The following YES1 variants were observed in gnomAD, a reference collection of about 807,000 sequenced individuals.
YES1 encodes the protein YES proto-oncogene 1, Src family tyrosine kinase.
Under a neutral mutation model 70.4 loss-of-function variants are expected in YES1, and 39 were observed. That is an observed-to-expected ratio of 0.55 (90% CI 0.43 to 0.72). The LOEUF is 0.72. Ranked by LOEUF, YES1 falls within the 30% of genes least tolerant of loss-of-function variation. YES1 has a pLI of 0.00. For synonymous variants in YES1, 198 were observed against 218.6 expected, an observed-to-expected ratio of 0.91 and a Z score of 0.83; for missense variants, 495 against 644.8, an observed-to-expected ratio of 0.77 and a Z score of 2.52.
chr18:727,616 T>C (rs1448539491), intron 11 of YES1, among the ~76,000 whole-genome samples: 1 of 152,188 alleles, frequency 6.6e-6, no homozygotes, highest in South Asian at 2.1e-4. Flanking sequence ...TTAGTAGTTA[T>C]CATTGAGACT....
At chr18:790,629 A>C (rs1420935517) in intron 1 of YES1, among the ~76,000 whole-genome samples, 1 of 152,220 alleles carries the variant, frequency 6.6e-6, no homozygotes, top group East Asian at 1.9e-4. Flanking sequence ...TTTGAAAAGA[A>C]AGTGATAACT....
In YES1 at chr18:770,855, T is replaced by G. The variant is rs527746584; in HGVS notation, c.-8-14020A>C. ...AACTCCATCATGGTCACTTGAAAAT[T>G]CTGAAAAGTTGCCAGAGTGGTGGCT... On this transcript the variant is annotated intron_variant, in intron 1 of 11. Coordinates refer to ENST00000314574, the MANE Select transcript of YES1 (RefSeq NM_005433.4). Among the ~76,000 whole-genome samples, 24 of 152,198 alleles carry G rather than the reference T, an allele frequency of 1.6e-4. No individual in the cohort carries two copies. The South Asian group carries it at 5.0e-3, about 32-fold the overall frequency.
At chr18:797,646 T>C (rs1308694710) in intron 1 of YES1, among the ~76,000 whole-genome samples, 1 of 152,236 alleles carries the variant, frequency 6.6e-6, no homozygotes, top group Non-Finnish European at 1.5e-5. Flanking sequence ...TAAAAATTAC[T>C]TCTTTATAAT....
intron 1 of YES1, among the ~76,000 whole-genome samples, chr18:803,222 G>T (rs890454670): frequency 2.0e-5 from 3 of 152,192 alleles, no homozygotes; most frequent in African/African-American, 7.2e-5. Context: ...GTGTCAGAGT[G>T]AGACTCCGTC....
intron 1 of YES1, among the ~76,000 whole-genome samples, chr18:775,594 T>C (rs1010655628): frequency 6.6e-6 from 1 of 152,146 alleles, no homozygotes; most frequent in African/African-American, 2.4e-5. Context: ...CCCAGGAGTT[T>C]GAGACCACCC....
At chr18:796,316 T>G (rs73372137) in intron 1 of YES1, among the ~76,000 whole-genome samples, 6,132 of 152,268 alleles carry the variant, frequency 0.04, 423 homozygotes, top group African/African-American at 0.14. Flanking sequence ...AATAAAGATA[T>G]CAAGAATACT....
chr18:798,731 T>C (rs1301281371), intron 1 of YES1, among the ~76,000 whole-genome samples: 1 of 152,218 alleles, frequency 6.6e-6, no homozygotes, highest in African/African-American at 2.4e-5. Context: ...ATAAGAAGTC[T>C]GGGGCATTTT....
intron 1 of YES1, among the ~76,000 whole-genome samples, chr18:794,562 G>T (rs1436798088): frequency 1.3e-5 from 2 of 151,826 alleles, no homozygotes; most frequent in Admixed American, 1.3e-4. Flanking sequence ...GGCTGCTGTA[G>T]AAAAAAAATG....
intron 1 of YES1, among the ~76,000 whole-genome samples, chr18:790,423 A>G (rs944637070): frequency 2.0e-5 from 3 of 152,232 alleles, no homozygotes; most frequent in Non-Finnish European, 2.9e-5. Flanking sequence ...TTTGTAAATC[A>G]TACTGAGATT....
chr18:796,120 C>T (rs1906532012), intron 1 of YES1, among the ~76,000 whole-genome samples: 1 of 152,008 alleles, frequency 6.6e-6, no homozygotes, highest in African/African-American at 2.4e-5. Context: ...ATGAAGTTCA[C>T]ATGAAAAAGT....
At chr18:799,178 C>G (rs189462564) in intron 1 of YES1, among the ~76,000 whole-genome samples, 3 of 152,310 alleles carry the variant, frequency 2.0e-5, no homozygotes, top group Non-Finnish European at 1.5e-5. Context: ...GTGGTATTTT[C>G]CATACAGATG....
chr18:789,873 A>T (rs1906153110), intron 1 of YES1, among the ~76,000 whole-genome samples: 1 of 151,904 alleles, frequency 6.6e-6, no homozygotes, highest in Non-Finnish European at 1.5e-5. Flanking sequence ...CAGTCTGATC[A>T]ACGTGGTGAA....
At chr18:726,670 A>G (rs997576528) in intron 11 of YES1, among the ~76,000 whole-genome samples, 1 of 147,334 alleles carries the variant, frequency 6.8e-6, no homozygotes, top group Non-Finnish European at 1.5e-5. Flanking sequence ...AATCCCAGCT[A>G]CTCGGGAGGC....
chr18:797,893 T>C (rs936646638), intron 1 of YES1: 2 of 152,190 alleles, frequency 1.3e-5, no homozygotes, highest in African/African-American at 4.8e-5. Context: ...CCTAGAGACA[T>C]GAACTCATGT....
intron 1 of YES1, among the ~76,000 whole-genome samples, chr18:793,922 C>T (rs1408394289): frequency 6.6e-6 from 1 of 152,078 alleles, no homozygotes; most frequent in African/African-American, 2.4e-5. Flanking sequence ...ATAAGTCACT[C>T]TGATAAATAA....
At chr18:800,153 T>G (rs1906748177) in intron 1 of YES1, among the ~76,000 whole-genome samples, 1 of 152,198 alleles carries the variant, frequency 6.6e-6, no homozygotes, top group South Asian at 2.1e-4. Flanking sequence ...CAAAGAGTCT[T>G]GAGTAAAAAA....
At chr18:784,645 G>T (rs921986892) in intron 1 of YES1, among the ~76,000 whole-genome samples, 1 of 152,184 alleles carries the variant, frequency 6.6e-6, no homozygotes, top group African/African-American at 2.4e-5. Context: ...AGCTTGTGGG[G>T]GCTGCCCACA....
At chr18:746,729 C>A (rs2080285692) in intron 4 of YES1, among the ~76,000 whole-genome samples, 1 of 152,144 alleles carries the variant, frequency 6.6e-6, no homozygotes, top group Non-Finnish European at 1.5e-5. Flanking sequence ...TTATGAATCC[C>A]AGATAAACTG....
At chr18:808,205 C>T (rs905666521) in intron 1 of YES1, among the ~76,000 whole-genome samples, 2 of 152,200 alleles carry the variant, frequency 1.3e-5, no homozygotes, top group African/African-American at 4.8e-5. Context: ...CTGCAGCCAA[C>T]GATTCCTTGG....
Sources: allele counts gnomAD v4.1 joint callset (sites outside exome capture counted in the v4.1 genomes callset), GRCh38; gene constraint gnomAD v4.1.1; transcripts MANE v1.5; gene names NCBI Gene and HGNC (gene_info 2026-07-23, HGNC 2026-07-21).